RAPGEF6: variants seen among roughly 807,000 people sequenced by gnomAD.
RAPGEF6 encodes the protein PDZ domain containing guanine nucleotide exchange factor (GEF) 2.
RAPGEF6 carries 56 observed loss-of-function variants against 171.4 expected under a neutral mutation model. That is an observed-to-expected ratio of 0.33 (90% CI 0.26 to 0.41). RAPGEF6 has a LOEUF of 0.41. Ranked by LOEUF, RAPGEF6 falls within the 10% of genes least tolerant of loss-of-function variation. The pLI is 1.00. For synonymous variants in RAPGEF6, 692 were observed against 650.1 expected (o/e 1.06, Z -0.98); for missense variants, 1,674 against 1,921.4 (o/e 0.87, Z 2.41).
intron 19 of RAPGEF6, among the ~76,000 whole-genome samples, chr5:131,461,019 C>T (rs1753892221): frequency 6.6e-6 from 1 of 152,056 alleles, no homozygotes; most frequent in African/African-American, 2.4e-5. Context: ...AAGAAGAATC[C>T]CTTTGTTGAT....
At chr5:131,617,123 T>C (rs1159713774) in intron 1 of RAPGEF6, among the ~76,000 whole-genome samples, 3 of 152,204 alleles carry the variant, frequency 2.0e-5, no homozygotes, top group Non-Finnish European at 2.9e-5. Flanking sequence ...AGGAATCTTC[T>C]ACAAATCATT....
chr5:131,601,526 A>G (rs1764257000), intron 3 of RAPGEF6, among the ~76,000 whole-genome samples: 1 of 152,248 alleles, frequency 6.6e-6, no homozygotes. Context: ...AATTAATAAA[A>G]GAAGCTATCC....
At chr5:131,605,398 C>T (rs775265781) in intron 1 of RAPGEF6, among the ~76,000 whole-genome samples, 9 of 152,106 alleles carry the variant, frequency 5.9e-5, no homozygotes, top group Admixed American at 2.0e-4. Flanking sequence ...AGACAAGCTA[C>T]GAGCTGATGG....
intron 4 of RAPGEF6, among the ~76,000 whole-genome samples, chr5:131,570,942 C>CT (rs767023216): frequency 0.17 from 21,523 of 128,512 alleles, 2,532 homozygotes; most frequent in African/African-American, 0.31. Flanking sequence ...TCCCCAACTA[C>CT]TTTTTTTTTT....
intron 5 of RAPGEF6, among the ~76,000 whole-genome samples, chr5:131,557,328 T>C (rs1279102282): frequency 3.3e-5 from 5 of 152,232 alleles, no homozygotes; most frequent in Admixed American, 1.3e-4. Flanking sequence ...CTGATGTATA[T>C]AGATGGTTTT....
intron 11 of RAPGEF6, among the ~76,000 whole-genome samples, chr5:131,504,171 A>G (rs996586719): frequency 1.3e-5 from 2 of 152,214 alleles, no homozygotes; most frequent in East Asian, 1.9e-4. Flanking sequence ...ATGTGTAAAA[A>G]CCATCTTAGA....
chr5:131,497,174 T>G (rs1756692902), intron 12 of RAPGEF6, among the ~76,000 whole-genome samples: 2 of 152,240 alleles, frequency 1.3e-5, no homozygotes, highest in Admixed American at 1.3e-4. Flanking sequence ...ACATATCTTC[T>G]TTGGAGAAAT....
At chr5:131,440,357 A>C in intron 23 of RAPGEF6, 1 of 386,500 alleles carries the variant, frequency 2.6e-6, no homozygotes, top group Admixed American at 3.3e-5. Flanking sequence ...AGTGTACCTC[A>C]AACTTAGCAA....
intron 6 of RAPGEF6, among the ~76,000 whole-genome samples, chr5:131,521,840 T>TACACACACACACACACAC (rs3992018): frequency 3.1e-5 from 3 of 97,160 alleles, no homozygotes; most frequent in East Asian, 3.5e-4. Flanking sequence ...AATGTTACCC[T>TACACACACACACACACAC]ACACACACAC....
chr5:131,536,657 G>T (rs1759798273), intron 6 of RAPGEF6, among the ~76,000 whole-genome samples: 1 of 152,092 alleles, frequency 6.6e-6, no homozygotes, highest in Non-Finnish European at 1.5e-5. Flanking sequence ...CAACCAAGGT[G>T]ATGTAAGCTT....
chr5:131,484,072 G>A (rs1755692241), intron 15 of RAPGEF6, among the ~76,000 whole-genome samples: 1 of 144,946 alleles, frequency 6.9e-6, no homozygotes. Flanking sequence ...CTCCAGCCTG[G>A]GCAACAGAGC....
At position 131,423,936 on chromosome 5, in the gene RAPGEF6, T is replaced by C. The variant is rs1751282611; in HGVS notation, c.*3330A>G. 6.6e-6 allele frequency: 1 copy of C among 152,296 alleles called. No homozygotes were observed. The highest frequency in any genetic ancestry group is 2.4e-5 in the African/African-American group (1 of 41,474). 9.4% of individuals were successfully genotyped at this position (152,296 alleles called of 1,614,324 possible). ...ACAGAGAAGATTAATGTAGATTCTT[T>C]ATTGATTCCACCAATGTATTAGTAG... On this transcript the variant is annotated 3_prime_UTR_variant, in exon 28 of 28. Transcript: ENST00000509018.
intron 16 of RAPGEF6, among the ~76,000 whole-genome samples, chr5:131,473,924 G>C (rs1322586770): frequency 1.3e-5 from 2 of 152,142 alleles, no homozygotes; most frequent in African/African-American, 4.8e-5. Flanking sequence ...AAAGCAAAGA[G>C]ACATGGAAGA....
At chr5:131,535,344 T>A (rs371096156) in intron 6 of RAPGEF6, among the ~76,000 whole-genome samples, 2 of 152,072 alleles carry the variant, frequency 1.3e-5, no homozygotes, top group Admixed American at 6.6e-5. Context: ...GAAATAAACA[T>A]CCTTTGAAGA....
chr5:131,582,901 C>T (rs1763048249), intron 4 of RAPGEF6, among the ~76,000 whole-genome samples: 1 of 152,176 alleles, frequency 6.6e-6, no homozygotes, highest in African/African-American at 2.4e-5. Flanking sequence ...GTTAAACATG[C>T]ATCGACCATA....
Position 131,451,450 on chromosome 5 carries a change from A to G in RAPGEF6, c.3200+1604T>C, listed in dbSNP as rs572588767. ...AAAAAAAAAAAAAAATTAGCTGGAC[A>G]TGGTGGCATGCACCTGTAGCCCCAG... On this transcript the variant is annotated intron_variant, in intron 21 of 27. Transcript: ENST00000509018. Among the ~76,000 whole-genome samples, 5 of 151,810 alleles carry G rather than the reference A, an allele frequency of 3.3e-5. No individual in the cohort carries two copies. In the East Asian group the frequency reaches 9.7e-4, roughly 29 times the overall value.
Position 131,634,914 on chromosome 5 carries a change from T to C in RAPGEF6, c.69+48A>G, listed in dbSNP as rs200395482. ...CGCGGATTTCGGACAGACAGGAGGATGCTGTCTACTGGACTGTGAGACGCA... is the reference window on the plus strand; with the variant it reads ...CGCGGATTTCGGACAGACAGGAGGACGCTGTCTACTGGACTGTGAGACGCA... On this transcript the variant is annotated intron_variant, in intron 1 of 27. Transcript: ENST00000509018. 2.2e-4 allele frequency: 353 copies of C among 1,603,404 alleles called. 3 individuals carry two copies. The Admixed American group carries it at 5.6e-3, about 25-fold the overall frequency.
At position 131,527,976 on chromosome 5, in the gene RAPGEF6, C is replaced by T. The variant is rs960026271; in HGVS notation, c.496-6455G>A. 3.4e-5 allele frequency among the ~76,000 whole-genome samples: 5 copies of T among 147,862 alleles called. No individual in the cohort carries two copies. The South Asian group carries it at 1.1e-3, about 31-fold the overall frequency. ...CTTGCAGTGAGCCGAAACTGCGCCA[C>T]TGCACTCCAGCCTGGGGGACAGAGT... On this transcript the variant is annotated intron_variant, in intron 6 of 27. Coordinates refer to ENST00000509018, the MANE Select transcript of RAPGEF6 (RefSeq NM_016340.6).
rs575448019 is a variant in RAPGEF6 at position 131,456,477 on chromosome 5, C to A, written c.2865-465G>T. On this transcript the variant is annotated intron_variant, in intron 19 of 27. Coordinates refer to ENST00000509018, the MANE Select transcript of RAPGEF6 (RefSeq NM_016340.6). ...TCCTGCGATTTTGTTCACTCACATCCCTGATTCCAATACATCCATATTCCT... is the reference window on the plus strand; with the variant it reads ...TCCTGCGATTTTGTTCACTCACATCACTGATTCCAATACATCCATATTCCT... 2.0e-4 allele frequency among the ~76,000 whole-genome samples: 30 copies of A among 152,254 alleles called. No individual in the cohort carries two copies. In the South Asian group the frequency reaches 6.2e-3, roughly 32 times the overall value.
Sources: gnomAD v4.1 joint callset for allele counts (sites outside exome capture counted in the v4.1 genomes callset) on GRCh38, gnomAD v4.1.1 for gene constraint, MANE v1.5 for transcripts, NCBI Gene and HGNC (gene_info 2026-07-23, HGNC 2026-07-21) for gene names.